SERTAD2: variants seen among roughly 807,000 people sequenced by gnomAD.
The protein encoded by SERTAD2 is SERTA domain-containing protein 2.
SERTAD2 carries 2 observed loss-of-function variants against 15.4 expected under a neutral mutation model. The ratio of observed to expected loss-of-function variants is 0.13; its 90% CI spans 0.05 to 0.41. SERTAD2 has a LOEUF of 0.41. SERTAD2 is among the 10% of genes least tolerant of loss of function. SERTAD2 has a pLI of 0.99. For synonymous variants in SERTAD2, 180 were observed against 178.0 expected, an observed-to-expected ratio of 1.01 and a Z score of -0.09; for missense variants, 333 against 409.7, an observed-to-expected ratio of 0.81 and a Z score of 1.62.
intron 1 of SERTAD2, among the ~76,000 whole-genome samples, chr2:64,651,209 CAAGAAACCACAGCAA>C (rs1241014937): frequency 1.3e-5 from 2 of 152,126 alleles, no homozygotes; most frequent in African/African-American, 4.8e-5. Flanking sequence ...TGCTTTTTAA[CAAGAAACCACAGCAA>C]AAGAAACCTC....
intron 1 of SERTAD2, among the ~76,000 whole-genome samples, chr2:64,637,353 A>C (rs1674683022): frequency 6.6e-6 from 1 of 152,258 alleles, no homozygotes; most frequent in South Asian, 2.1e-4. Context: ...GGATTAAAAG[A>C]ACCAAGTTAA....
Position 64,636,845 on chromosome 2 carries a change from C to T in SERTAD2, c.27G>A (p.Lys9=), listed in dbSNP as rs531368189. 6.8e-6 allele frequency: 11 copies of T among 1,613,550 alleles called. No individual in the cohort carries two copies. In the Admixed American group the frequency reaches 1.0e-4, roughly 15 times the overall value. Residue 9 remains lysine (K), a synonymous_variant, in exon 2 of 2, where the codon AAG becomes AAA. Coordinates refer to ENST00000313349, the MANE Select transcript of SERTAD2 (RefSeq NM_014755.3). ...CCAGCCCATCTTCATGCTCATCAAACTTCCGTTTTCCTCCTTTACCCAACA... is the reference window on the plus strand; with the variant it reads ...CCAGCCCATCTTCATGCTCATCAAATTTCCGTTTTCCTCCTTTACCCAACA... MLGKGGKR[K]FDEHEDGLEG... is the part of the protein sequence containing the mutation.
At chr2:64,644,881 A>T (rs1440097924) in intron 1 of SERTAD2, 3 of 152,352 alleles carry the variant, frequency 2.0e-5, no homozygotes, top group Non-Finnish European at 4.4e-5. Context: ...CAAACCTGAG[A>T]CCCCAAAACA....
chr2:64,642,886 G>A (rs1018179929), intron 1 of SERTAD2, among the ~76,000 whole-genome samples: 12 of 152,074 alleles, frequency 7.9e-5, no homozygotes, highest in African/African-American at 2.7e-4. Context: ...CATCCCAAAT[G>A]ATTGTCATTA....
rs1400546734 is a variant in SERTAD2, at chr2:64,653,608, G to C, written c.-5+12C>G. The C allele has an allele frequency of 1.3e-5, 2 of 152,742 alleles. No homozygotes were observed. The highest frequency in any genetic ancestry group is 4.8e-5 in the African/African-American group (2 of 41,464). The allele number at this position is 152,742 out of a possible 1,614,324, so 9.5% of individuals were successfully genotyped here. A position where few individuals can be genotyped will look rare whatever the true frequency, so the allele number is the denominator to read the frequency against. On this transcript the variant is annotated intron_variant, in intron 1 of 1. Transcript: ENST00000313349. ...CGCGGATCCCCTCCAGCCCGACGCCGGGAGAACTTACCACATGCAGCTCCA... is the reference window on the plus strand; with the variant it reads ...CGCGGATCCCCTCCAGCCCGACGCCCGGAGAACTTACCACATGCAGCTCCA...
In SERTAD2 at chr2:64,638,426, A is replaced by C. The variant is rs151262032; in HGVS notation, c.-4-1551T>G. ...TTTCAAGTCTCGACCTAAAGAAATA[A>C]GGCTAAATGGAATATAAACTTCACA... On this transcript the variant is annotated intron_variant, in intron 1 of 1. Coordinates refer to ENST00000313349, the MANE Select transcript of SERTAD2 (RefSeq NM_014755.3). 1.6e-3 allele frequency among the ~76,000 whole-genome samples: 239 copies of C among 152,370 alleles called. 1 individual carries two copies. The highest frequency in any genetic ancestry group is 5.4e-3 in the African/African-American group (223 of 41,588).
intron 1 of SERTAD2, among the ~76,000 whole-genome samples, chr2:64,647,393 T>A (rs1674924327): frequency 6.6e-6 from 1 of 152,190 alleles, no homozygotes; most frequent in African/African-American, 2.4e-5. Flanking sequence ...TAAGGAACTC[T>A]CAGATTTGAC....
At chr2:64,652,788 G>T (rs1304853057) in intron 1 of SERTAD2, among the ~76,000 whole-genome samples, 2 of 152,022 alleles carry the variant, frequency 1.3e-5, no homozygotes, top group Non-Finnish European at 2.9e-5. Flanking sequence ...GTGAAACTTA[G>T]AAACTAAACC....
In SERTAD2 at chr2:64,634,926, G is replaced by A. The variant is rs111602485; in HGVS notation, c.*1001C>T. ...AGACAGTAGCTTTACCCTCAAAAGA[G>A]GGAGCAAAAGAGAACCATCACTTAA... is the stretch of plus-strand genomic sequence containing the variant. On this transcript the variant is annotated 3_prime_UTR_variant, in exon 2 of 2. Coordinates refer to ENST00000313349, the MANE Select transcript of SERTAD2 (RefSeq NM_014755.3). 1 of 152,770 alleles carries A rather than the reference G, an allele frequency of 6.5e-6. No homozygotes were observed. Among genetic ancestry groups the A allele is most frequent in the East Asian group, 1.9e-4 (1 of 5,190 alleles). 9.5% of individuals were successfully genotyped at this position (152,770 alleles called of 1,614,324 possible).
chr2:64,638,533 T>C (rs1157666212), intron 1 of SERTAD2, among the ~76,000 whole-genome samples: 1 of 152,238 alleles, frequency 6.6e-6, no homozygotes. Context: ...AGCCTGCCAC[T>C]TGGGGTAACC....
chr2:64,632,424 T>TG lies in SERTAD2; in HGVS notation c.*3502dup, dbSNP rs1178407490. 1 of 152,582 alleles carries TG rather than the reference T, an allele frequency of 6.6e-6. No homozygotes were observed. Among genetic ancestry groups the TG allele is most frequent in the Non-Finnish European group, 1.5e-5 (1 of 68,020 alleles). The allele number at this position is 152,582 out of a possible 1,614,324, so 9.5% of individuals were successfully genotyped here. On this transcript the variant is annotated 3_prime_UTR_variant, in exon 2 of 2. Coordinates refer to ENST00000313349, the MANE Select transcript of SERTAD2 (RefSeq NM_014755.3). ...TTTCCTTGATTGACCTCAGGGCAGC[T>TG]GGGGCACTCCAAGGGGCTATGGCGA... is the stretch of plus-strand genomic sequence containing the variant.
At chr2:64,645,819 TA>T (rs1177023862) in intron 1 of SERTAD2, among the ~76,000 whole-genome samples, 2 of 152,240 alleles carry the variant, frequency 1.3e-5, no homozygotes, top group Non-Finnish European at 2.9e-5. Context: ...CTGGGAATTT[TA>T]AGTTTTAATC....
chr2:64,641,097 G>A lies in SERTAD2; in HGVS notation c.-4-4222C>T, dbSNP rs62137278. On this transcript the variant is annotated intron_variant, in intron 1 of 1. Coordinates refer to ENST00000313349, the MANE Select transcript of SERTAD2 (RefSeq NM_014755.3). ...AAAACTCATTGGTAGAGACATAAATGAAAACTTCTGGAGTTTTCCAGGAAA... is the reference window on the plus strand; with the variant it reads ...AAAACTCATTGGTAGAGACATAAATAAAAACTTCTGGAGTTTTCCAGGAAA... 4.2e-3 allele frequency among the ~76,000 whole-genome samples: 640 copies of A among 152,316 alleles called. 2 individuals are homozygous for A. Among genetic ancestry groups the A allele is most frequent in the Non-Finnish European group, 6.6e-3 (452 of 68,016 alleles).
At chr2:64,651,260 C>T (rs948423101) in intron 1 of SERTAD2, among the ~76,000 whole-genome samples, 2 of 152,128 alleles carry the variant, frequency 1.3e-5, no homozygotes, top group African/African-American at 2.4e-5. Context: ...CAGCTTTCAC[C>T]TTTCTTAGTT....
rs1338124731 is a variant in SERTAD2 at position 64,633,131 on chromosome 2, G to A, written c.*2796C>T. The A allele has an allele frequency of 6.6e-6, 1 of 152,242 alleles. No individual in the cohort carries two copies. The highest frequency in any genetic ancestry group is 1.5e-5 in the Non-Finnish European group (1 of 68,044). 9.4% of individuals were successfully genotyped at this position (152,242 alleles called of 1,614,324 possible). On this transcript the variant is annotated 3_prime_UTR_variant, in exon 2 of 2. Coordinates refer to ENST00000313349, the MANE Select transcript of SERTAD2 (RefSeq NM_014755.3). ...ACTCCAGCTCCTACTGTTCCCTGTTGGGACATCACTTTGTAAGAATAGGAT... is the reference window on the plus strand; with the variant it reads ...ACTCCAGCTCCTACTGTTCCCTGTTAGGACATCACTTTGTAAGAATAGGAT...
rs190349258 is a variant in SERTAD2, at chr2:64,633,821, G to A, written c.*2106C>T. 1.1e-3 allele frequency: 162 copies of A among 152,376 alleles called. 1 individual carries two copies. The highest frequency in any genetic ancestry group is 1.4e-3 in the Non-Finnish European group (93 of 68,030). The allele number at this position is 152,376 out of a possible 1,614,324, so 9.4% of individuals were successfully genotyped here. On this transcript the variant is annotated 3_prime_UTR_variant, in exon 2 of 2. Transcript: ENST00000313349. ...TTGATCAGTTTCTCACTGCTCTACT[G>A]AGCTGATAATTAGCCTTTAAAACAC...
chr2:64,636,978 C>T lies in SERTAD2; in HGVS notation c.-4-103G>A, dbSNP rs1423796111. ...AGGGCAGGACTTGGACCTCAGTTTCCTGCCCAGGGTTATTTACAAGTACAC... is the reference window on the plus strand; with the variant it reads ...AGGGCAGGACTTGGACCTCAGTTTCTTGCCCAGGGTTATTTACAAGTACAC... On this transcript the variant is annotated intron_variant, in intron 1 of 1. Transcript: ENST00000313349. The T allele has an allele frequency of 3.9e-6, 3 of 777,328 alleles. No individual in the cohort carries two copies. The African/African-American group carries it at 5.2e-5, about 13-fold the overall frequency. The allele number at this position is 777,328 out of a possible 1,614,324, so 48.2% of individuals were successfully genotyped here. A position where few individuals can be genotyped will look rare whatever the true frequency, so the allele number is the denominator to read the frequency against.
chr2:64,643,012 A>C (rs1220992873), intron 1 of SERTAD2, among the ~76,000 whole-genome samples: 2 of 152,160 alleles, frequency 1.3e-5, no homozygotes, highest in African/African-American at 4.8e-5. Flanking sequence ...CTAAATTCTT[A>C]AGAGAGGAAA....
At position 64,641,761 on chromosome 2, in the gene SERTAD2, C is replaced by T. The variant is rs1006952259; in HGVS notation, c.-4-4886G>A. Among the ~76,000 whole-genome samples, 6 of 152,228 alleles carry T rather than the reference C, an allele frequency of 3.9e-5. No individual in the cohort carries two copies. The South Asian group carries it at 8.3e-4, about 21-fold the overall frequency. ...GGTTTTACAGGCGGGATCAGGGTCG[C>T]GCAATGCACCAGCAGCTGAGATATG... On this transcript the variant is annotated intron_variant, in intron 1 of 1. Coordinates refer to ENST00000313349, the MANE Select transcript of SERTAD2 (RefSeq NM_014755.3).
Sources: gnomAD v4.1 joint callset for allele counts (sites outside exome capture counted in the v4.1 genomes callset) on GRCh38, gnomAD v4.1.1 for gene constraint, MANE v1.5 for transcripts, NCBI Gene and HGNC (gene_info 2026-07-23, HGNC 2026-07-21) for gene names.